The following PDE4B variants were observed in gnomAD, a reference collection of about 807,000 sequenced individuals.
PDE4B encodes 3',5'-cyclic-AMP phosphodiesterase 4B.
A neutral mutation model predicts 82.2 loss-of-function variants in PDE4B; 20 were observed. The observed-to-expected ratio is 0.24, with a 90% CI of 0.17 to 0.35. The LOEUF (loss-of-function observed/expected upper bound fraction) is 0.35. Ranked by LOEUF, PDE4B falls within the 10% of genes least tolerant of loss-of-function variation. The pLI is 1.00. For missense variants in PDE4B, 655 were observed against 907.2 expected, an observed-to-expected ratio of 0.72 and a Z score of 3.57; for synonymous variants, 320 against 318.9, an observed-to-expected ratio of 1.00 and a Z score of -0.04.
chr1:65,824,113 C>A (rs1057513859), intron 1 of PDE4B, among the ~76,000 whole-genome samples: 1 of 152,146 alleles, frequency 6.6e-6, no homozygotes, highest in Non-Finnish European at 1.5e-5. Context: ...TGAATAAAAT[C>A]ATGCAATGGA....
At chr1:65,872,141 C>T (rs376434553) in intron 1 of PDE4B, among the ~76,000 whole-genome samples, 19 of 152,048 alleles carry the variant, frequency 1.2e-4, no homozygotes, top group African/African-American at 4.3e-4. Flanking sequence ...AGGTTTTTCC[C>T]CAAATTTATG....
chr1:66,122,193 T>A (rs1217621343), intron 3 of PDE4B, among the ~76,000 whole-genome samples: 1 of 152,214 alleles, frequency 6.6e-6, no homozygotes, highest in African/African-American at 2.4e-5. Flanking sequence ...CAAAATGGGA[T>A]CATGATAATA....
chr1:65,815,544 G>C (rs1645872837), intron 1 of PDE4B, among the ~76,000 whole-genome samples: 1 of 152,044 alleles, frequency 6.6e-6, no homozygotes, highest in Non-Finnish European at 1.5e-5. Flanking sequence ...GCTGAAGTGT[G>C]TATGGAAACT....
chr1:65,982,860 C>G (rs1214393496), intron 3 of PDE4B, among the ~76,000 whole-genome samples: 1 of 152,174 alleles, frequency 6.6e-6, no homozygotes, highest in East Asian at 1.9e-4. Context: ...TAGAGGCCAG[C>G]AGAGCTGCTT....
intron 1 of PDE4B, among the ~76,000 whole-genome samples, chr1:65,874,723 T>C (rs1446035975): frequency 2.0e-5 from 3 of 151,402 alleles, no homozygotes; most frequent in East Asian, 1.9e-4. Context: ...TAAATGGTGC[T>C]GGGAAAACTG....
intron 1 of PDE4B, among the ~76,000 whole-genome samples, chr1:65,893,690 C>T (rs57133760): frequency 0.27 from 40,265 of 151,662 alleles, 6,043 homozygotes; most frequent in East Asian, 0.49. Flanking sequence ...GAAACATGCA[C>T]ACATGTTTAT....
intron 3 of PDE4B, among the ~76,000 whole-genome samples, chr1:65,923,806 G>A (rs940275380): frequency 1.3e-5 from 2 of 151,920 alleles, no homozygotes; most frequent in African/African-American, 2.4e-5. Flanking sequence ...GCCTAAGGAT[G>A]GATTTCCTTT....
chr1:66,237,881 G>A (rs921938237), intron 3 of PDE4B, among the ~76,000 whole-genome samples: 8 of 152,156 alleles, frequency 5.3e-5, no homozygotes, highest in Non-Finnish European at 1.2e-4. Flanking sequence ...AAAGTGCCAG[G>A]CACTAGTTAG....
chr1:66,206,540 A>T (rs1272998996), intron 3 of PDE4B, among the ~76,000 whole-genome samples: 2 of 152,194 alleles, frequency 1.3e-5, no homozygotes, highest in Non-Finnish European at 2.9e-5. Flanking sequence ...TTCCTATTTT[A>T]AAAAAATTCT....
At chr1:65,850,110 C>CTTTTTTTTT (rs57662381) in intron 1 of PDE4B, among the ~76,000 whole-genome samples, 1 of 97,490 alleles carries the variant, frequency 1.0e-5, no homozygotes, top group African/African-American at 4.0e-5. Context: ...TTGCCCTGCA[C>CTTTTTTTTT]TTTTTTTTTT....
In PDE4B at chr1:66,325,424, A is replaced by G. The variant is rs751437016; in HGVS notation, c.635-7084A>G. 2.0e-5 allele frequency among the ~76,000 whole-genome samples: 3 copies of G among 152,316 alleles called. No individual in the cohort carries two copies. The South Asian group carries it at 6.2e-4, about 32-fold the overall frequency. On this transcript the variant is annotated intron_variant, in intron 7 of 16. Transcript: ENST00000341517. The stretch of plus-strand genomic sequence containing the variant: ...AGTGTATTGTTCATTGCTGTAATCC[A>G]GCACCCACCCAGCAGCAGGCTTGGC...
intron 3 of PDE4B, among the ~76,000 whole-genome samples, chr1:66,071,346 A>G (rs1025439342): frequency 1.3e-5 from 2 of 152,148 alleles, no homozygotes; most frequent in African/African-American, 4.8e-5. Context: ...TAGATGATTC[A>G]AAACTGTCCC....
At chr1:66,106,370 G>A (rs926426003) in intron 3 of PDE4B, among the ~76,000 whole-genome samples, 48 of 152,200 alleles carry the variant, frequency 3.2e-4, no homozygotes, top group African/African-American at 1.1e-3. Flanking sequence ...TTGCATCAAT[G>A]TTCATCAAGG....
intron 4 of PDE4B, among the ~76,000 whole-genome samples, chr1:66,253,589 A>C (rs1372451427): frequency 3.3e-5 from 5 of 152,228 alleles, no homozygotes; most frequent in Admixed American, 3.3e-4. Context: ...TGGGAAAGTA[A>C]GAAGTGTATC....
chr1:66,090,621 A>ATATATATATGTGTGTGTGTGTG lies in PDE4B; in HGVS notation c.282-156838_282-156837insATATATATGTGTGTGTGTGTGT. On this transcript the variant is annotated intron_variant, in intron 3 of 16. Coordinates refer to ENST00000341517, the MANE Select transcript of PDE4B (RefSeq NM_002600.4). ...TTATATATATATATGTATATAATAT[A>ATATATATATGTGTGTGTGTGTG]TGTGTGTGTGTGTGTGTGTATGTAC... Among the ~76,000 whole-genome samples the ATATATATATGTGTGTGTGTGTG allele has an allele frequency of 9.0e-5, 11 of 122,726 alleles. No individual in the cohort carries two copies. In the South Asian group the frequency reaches 9.8e-4, roughly 11 times the overall value. The allele number at this position is 122,726 out of a possible 152,430, so 80.5% of individuals were successfully genotyped here.
intron 3 of PDE4B, among the ~76,000 whole-genome samples, chr1:66,196,142 G>T (rs1648276430): frequency 6.6e-6 from 1 of 152,166 alleles, no homozygotes; most frequent in African/African-American, 2.4e-5. Context: ...CTTAAAACTA[G>T]AAAAATACAG....
intron 3 of PDE4B, among the ~76,000 whole-genome samples, chr1:65,985,736 A>G (rs991647570): frequency 5.9e-5 from 9 of 152,158 alleles, no homozygotes; most frequent in Non-Finnish European, 1.2e-4. Context: ...TAGGGAAGAA[A>G]GAGAGGAACT....
intron 8 of PDE4B, among the ~76,000 whole-genome samples, chr1:66,334,212 A>G (rs746676540): frequency 6.6e-6 from 1 of 152,252 alleles, no homozygotes; most frequent in Admixed American, 6.5e-5. Flanking sequence ...GCAAACTTCA[A>G]TAGTCACCAA....
chr1:65,888,312 G>T (rs143985806), intron 1 of PDE4B, among the ~76,000 whole-genome samples: 2 of 152,152 alleles, frequency 1.3e-5, no homozygotes, highest in African/African-American at 4.8e-5. Flanking sequence ...GTATGTGTTT[G>T]TTTTTATACA....
Sources: allele counts gnomAD v4.1 joint callset (sites outside exome capture counted in the v4.1 genomes callset), GRCh38; gene constraint gnomAD v4.1.1; transcripts MANE v1.5; gene names NCBI Gene and HGNC (gene_info 2026-07-23, HGNC 2026-07-21).